The following MPPED2 variants were observed in gnomAD, a reference collection of about 807,000 sequenced individuals.
The protein encoded by MPPED2 is metallophosphoesterase MPPED2.
In MPPED2, 5 loss-of-function variants were observed where a neutral mutation model predicts 33.0. That is an observed-to-expected ratio of 0.15 (90% CI 0.08 to 0.32). The LOEUF (loss-of-function observed/expected upper bound fraction) is 0.32, where lower values mean the gene tolerates loss of function less well. Among genes scored for constraint, MPPED2 ranks in the 10% least tolerant of loss-of-function variants. The pLI is 1.00. For synonymous variants in MPPED2, 136 were observed against 141.9 expected, an observed-to-expected ratio of 0.96 and a Z score of 0.29; for missense variants, 275 against 372.1, an observed-to-expected ratio of 0.74 and a Z score of 2.15.
At chr11:30,547,636 C>T (rs901696573) in intron 2 of MPPED2, among the ~76,000 whole-genome samples, 3 of 152,150 alleles carry the variant, frequency 2.0e-5, no homozygotes, top group African/African-American at 7.2e-5. Context: ...TTTTTGTCTA[C>T]AGATGCAAAT....
chr11:30,461,854 A>G (rs777019550), intron 4 of MPPED2, among the ~76,000 whole-genome samples: 17 of 152,220 alleles, frequency 1.1e-4, no homozygotes, highest in Non-Finnish European at 2.1e-4. Context: ...AAGGGAAGCA[A>G]CATCTATTTC....
chr11:30,410,791 C>T lies in MPPED2; in HGVS notation c.*677G>A, dbSNP rs1207092553. On this transcript the variant is annotated 3_prime_UTR_variant, in exon 7 of 7. Coordinates refer to ENST00000358117, the MANE Select transcript of MPPED2 (RefSeq NM_001584.3). ...TGAAATACCTGCTCTTGACAGATTC[C>T]ATTTCTGTATTTTTAAAGCTGAAAT... 1 of 985,232 alleles carries T rather than the reference C, an allele frequency of 1.0e-6. No individual in the cohort carries two copies. The highest frequency in any genetic ancestry group is 1.2e-6 in the Non-Finnish European group (1 of 829,558). The allele number at this position is 985,232 out of a possible 1,614,324, so 61.0% of individuals were successfully genotyped here. A position where few individuals can be genotyped will look rare whatever the true frequency, so the allele number is the denominator to read the frequency against.
In MPPED2 at chr11:30,411,405, TTA is replaced by T; in HGVS notation, c.*61_*62del. 1 of 1,529,306 alleles carries T rather than the reference TTA, an allele frequency of 6.5e-7. No individual in the cohort carries two copies. The highest frequency in any genetic ancestry group is 8.8e-7 in the Non-Finnish European group (1 of 1,131,882). 94.7% of individuals were successfully genotyped at this position (1,529,306 alleles called of 1,614,324 possible). A position where few individuals can be genotyped will look rare whatever the true frequency, so the allele number is the denominator to read the frequency against. ...TGTAAATAAGTAAGAGAATGTAAGT[TTA>T]TAATTAGAAAAATGGCAGTTTATAG... On this transcript the variant is annotated 3_prime_UTR_variant, in exon 7 of 7. Transcript: ENST00000358117.
chr11:30,521,568 C>T (rs1193961981), intron 3 of MPPED2, among the ~76,000 whole-genome samples: 1 of 152,196 alleles, frequency 6.6e-6, no homozygotes, highest in Non-Finnish European at 1.5e-5. Context: ...ATTAAACAAA[C>T]CTAGTTTATT....
At chr11:30,482,638 G>C (rs1342761483) in intron 4 of MPPED2, among the ~76,000 whole-genome samples, 1 of 152,090 alleles carries the variant, frequency 6.6e-6, no homozygotes, top group Non-Finnish European at 1.5e-5. Context: ...CAGATTATTT[G>C]ATGCAATATT....
chr11:30,490,212 G>A (rs1391832268), intron 4 of MPPED2, among the ~76,000 whole-genome samples: 3 of 152,066 alleles, frequency 2.0e-5, no homozygotes, highest in African/African-American at 7.2e-5. Context: ...CACCACTGGT[G>A]GCAGAGAATC....
At chr11:30,452,587 T>C (rs1425086622) in intron 4 of MPPED2, among the ~76,000 whole-genome samples, 2 of 152,208 alleles carry the variant, frequency 1.3e-5, no homozygotes, top group African/African-American at 2.4e-5. Flanking sequence ...GTCACACCTC[T>C]GGGGGTAAGG....
chr11:30,483,390 A>AAT (rs997582181), intron 4 of MPPED2, among the ~76,000 whole-genome samples: 1 of 152,122 alleles, frequency 6.6e-6, no homozygotes, highest in Non-Finnish European at 1.5e-5. Flanking sequence ...ATTATTTAAA[A>AAT]ATATATATAT....
downstream of MPPED2, among the ~76,000 whole-genome samples, chr11:30,409,912 C>T (rs1948046434): frequency 6.6e-6 from 1 of 152,138 alleles, no homozygotes; most frequent in African/African-American, 2.4e-5. Flanking sequence ...CTCACTATCA[C>T]AAACTTGCCC....
chr11:30,404,941 A>G (rs1316093498), intron 6 of MPPED2, among the ~76,000 whole-genome samples: 3 of 152,168 alleles, frequency 2.0e-5, no homozygotes, highest in Non-Finnish European at 4.4e-5. Flanking sequence ...CTGGGAATGC[A>G]GATAGAAGGC....
chr11:30,480,664 T>A (rs1951444534), intron 4 of MPPED2, among the ~76,000 whole-genome samples: 1 of 152,132 alleles, frequency 6.6e-6, no homozygotes, highest in Non-Finnish European at 1.5e-5. Flanking sequence ...GGGCAGCTAT[T>A]TCACAAGTAA....
At chr11:30,404,320 A>G (rs1947955829) in intron 6 of MPPED2, among the ~76,000 whole-genome samples, 3 of 152,272 alleles carry the variant, frequency 2.0e-5, no homozygotes, top group African/African-American at 7.2e-5. Context: ...GGAGAAAACG[A>G]GTCAACAACT....
At chr11:30,451,658 T>C (rs1329380783) in intron 4 of MPPED2, 2 of 930,984 alleles carry the variant, frequency 2.1e-6, no homozygotes, top group African/African-American at 3.6e-5. Flanking sequence ...GTATTTCAAA[T>C]GTTCACTTAA....
chr11:30,394,976 T>C (rs1947822940), intron 6 of MPPED2, among the ~76,000 whole-genome samples: 1 of 152,216 alleles, frequency 6.6e-6, no homozygotes, highest in Admixed American at 6.5e-5. Context: ...CTTTGAATTG[T>C]CTTTGCACCT....
chr11:30,581,469 G>A (rs578225900), intron 1 of MPPED2, among the ~76,000 whole-genome samples: 122 of 152,144 alleles, frequency 8.0e-4, no homozygotes, highest in Admixed American at 1.7e-3. Context: ...TGATCAGTGC[G>A]GTAGAGAAGA....
intron 2 of MPPED2, among the ~76,000 whole-genome samples, chr11:30,538,156 C>A (rs1954915266): frequency 6.6e-6 from 1 of 152,056 alleles, no homozygotes; most frequent in Non-Finnish European, 1.5e-5. Context: ...ATAAATCAGC[C>A]ACTACATCTC....
intron 4 of MPPED2, chr11:30,429,358 G>A (rs1948980825): frequency 6.6e-6 from 1 of 152,172 alleles, no homozygotes; most frequent in Admixed American, 6.5e-5. Flanking sequence ...TGACAAGGAG[G>A]TCAGATGTAA....
chr11:30,506,164 A>C (rs1465374939), intron 3 of MPPED2, among the ~76,000 whole-genome samples: 1 of 152,068 alleles, frequency 6.6e-6, no homozygotes, highest in Non-Finnish European at 1.5e-5. Flanking sequence ...CAGCCTCCCA[A>C]GTAGCTGGGA....
chr11:30,517,612 G>A (rs565698540), intron 3 of MPPED2, among the ~76,000 whole-genome samples: 2 of 152,196 alleles, frequency 1.3e-5, no homozygotes, highest in South Asian at 2.1e-4. Flanking sequence ...TGTCTGGGAC[G>A]TGTCCTTCCT....
Sources: allele counts gnomAD v4.1 joint callset (sites outside exome capture counted in the v4.1 genomes callset), GRCh38; gene constraint gnomAD v4.1.1; transcripts MANE v1.5; gene names NCBI Gene and HGNC (gene_info 2026-07-23, HGNC 2026-07-21).